HK3: variants seen among roughly 807,000 people sequenced by gnomAD.
HK3 encodes hexokinase-3.
Under a neutral mutation model 91.0 loss-of-function variants are expected in HK3, and 93 were observed. The ratio of observed to expected loss-of-function variants is 1.02; its 90% CI spans 0.86 to 1.21. The LOEUF (loss-of-function observed/expected upper bound fraction) is 1.21. HK3 is among the 50% of genes most tolerant of loss of function. HK3 has a pLI of 0.00. For missense variants in HK3, 1,235 were observed against 1,247.4 expected (o/e 0.99, Z 0.15); for synonymous variants, 519 against 516.9 (o/e 1.00, Z -0.06).
chr5:176,890,405 C>T (rs1758733467), intron 6 of HK3, among the ~76,000 whole-genome samples: 1 of 152,142 alleles, frequency 6.6e-6, no homozygotes, highest in African/African-American at 2.4e-5. Context: ...TTTTTTTGCC[C>T]CAGGTCCTGA....
rs766493144 is a variant in HK3, at chr5:176,889,393, G to C, written c.902C>G (p.Pro301Arg). 1.2e-5 allele frequency: 19 copies of C among 1,614,008 alleles called. No homozygotes were observed. In the Middle Eastern group the frequency reaches 9.9e-4, roughly 84 times the overall value. Residue 301 changes from proline to arginine, a missense_variant, in exon 8 of 19, where the codon CCT becomes CGT. Pro to Arg is a moderately radical substitution (Grantham distance 103). This residue lies in a region of HK3 where 717 missense variants were observed against 751.6 expected (regional missense o/e 0.95). Coordinates refer to ENST00000292432, the MANE Select transcript of HK3 (RefSeq NM_002115.3). ...DHTLDHESLN[P>R]GAQRFEKMIG... ...CCTGCCAGGTCACCTCTGAGCACCAGGATTCAGGGACTCATGGTCCAGGGT... is the reference window on the plus strand; with the variant it reads ...CCTGCCAGGTCACCTCTGAGCACCACGATTCAGGGACTCATGGTCCAGGGT...
intron 2 of HK3, among the ~76,000 whole-genome samples, chr5:176,894,614 T>G (rs1212217445): frequency 6.6e-6 from 1 of 152,000 alleles, no homozygotes; most frequent in Non-Finnish European, 1.5e-5. Context: ...GGGGTACAGG[T>G]TGGACAAGGG....
chr5:176,887,702 T>C lies in HK3; in HGVS notation c.1349A>G (p.Glu450Gly). The C allele has an allele frequency of 6.2e-7, 1 of 1,613,070 alleles. No individual in the cohort carries two copies. Among genetic ancestry groups the C allele is most frequent in the Non-Finnish European group, 8.5e-7 (1 of 1,179,286 alleles). The change falls in exon 11 of 19, where the codon GAA becomes GGA. Residue 450 changes from glutamate to glycine, a missense_variant. Glu to Gly is a moderately conservative substitution (Grantham distance 98, BLOSUM62 -2). Around this residue, in one of 3 missense-constraint regions of HK3, gnomAD observed 717 missense variants for 751.6 expected, o/e 0.95. Coordinates refer to ENST00000292432, the MANE Select transcript of HK3 (RefSeq NM_002115.3). The surrounding 1 kb of genome is among the most constrained non-coding windows in gnomAD (Gnocchi z 4.9). ...LQGTVMLLAP[E>G]CDVSLIPSVD... ...AGAGGGGATTAAGGAGACATCGCAT[T>C]CCGGGGCCAGGAGCATCACTGTCCC...
In HK3 at chr5:176,886,871, A is replaced by G; in HGVS notation, c.1857+131T>C. The G allele has an allele frequency of 6.7e-6, 7 of 1,049,808 alleles. No individual in the cohort carries two copies. The South Asian group carries it at 1.1e-4, about 16-fold the overall frequency. The allele number at this position is 1,049,808 out of a possible 1,614,324, so 65.0% of individuals were successfully genotyped here. On this transcript the variant is annotated intron_variant, in intron 13 of 18. Coordinates refer to ENST00000292432, the MANE Select transcript of HK3 (RefSeq NM_002115.3). Reference sequence around the variant, plus strand: ...CTGAGGCTGTGTGCAAGCCCAGCCCAGCAGTGCTGCCACCACCACCAACCC... The same window carrying G: ...CTGAGGCTGTGTGCAAGCCCAGCCCGGCAGTGCTGCCACCACCACCAACCC...
rs754042767 is a variant in HK3 at position 176,882,026 on chromosome 5, C to T, written c.2155G>A (p.Gly719Arg). 6 of 1,613,258 alleles carry T rather than the reference C, an allele frequency of 3.7e-6. No individual in the cohort carries two copies. The South Asian group carries it at 4.4e-5, about 12-fold the overall frequency. Residue 719 changes from glycine to arginine, a missense_variant, in exon 16 of 19, where the codon GGG (glycine) becomes AGG (arginine). By Grantham distance (125) the Gly-to-Arg change is moderately radical. Around this residue, in one of 3 missense-constraint regions of HK3, gnomAD observed 513 missense variants for 477.4 expected, o/e 1.07. Coordinates refer to ENST00000292432, the MANE Select transcript of HK3 (RefSeq NM_002115.3). ...MCINMEWGAF[G>R]DDGSLAMLST... ...AGCATGGCCAGAGAGCCATCGTCCC[C>T]AAAGGCGCCCCACTCCATGTTGATG...
Position 176,887,136 on chromosome 5 carries a change from A to C in HK3, c.1738-15T>G, listed in dbSNP as rs1272812746. Reference sequence around the variant, plus strand: ...TGGTCAAAGAGCTGTGGGGCAGGACAGGTCAGGCGTAGGCACTGCTCAGCC... The same window carrying C: ...TGGTCAAAGAGCTGTGGGGCAGGACCGGTCAGGCGTAGGCACTGCTCAGCC... On this transcript the variant is annotated splice_polypyrimidine_tract_variant and intron_variant, in intron 12 of 18. Transcript: ENST00000292432. This position sits in a 1 kb window ranked among gnomAD's most constrained non-coding sequence, Gnocchi z 4.9. 6.2e-7 allele frequency: 1 copy of C among 1,614,188 alleles called. No homozygotes were observed. The highest frequency in any genetic ancestry group is 1.7e-5 in the Admixed American group (1 of 60,036).
At chr5:176,896,015 C>T (rs1396287691) in intron 2 of HK3, 49 bp downstream of exon 2, 1 of 1,506,874 alleles carries the variant, frequency 6.6e-7, no homozygotes, top group East Asian at 2.3e-5. Context: ...TCACGCTGCT[C>T]TTGAAGGCCT....
Position 176,884,229 on chromosome 5 carries a change from T to C in HK3, c.1858-95A>G. ...CCTGCATCCATCACAAGCCTAGGCT[T>C]TCCACCCTCCCCAAGCACAATTCCT... On this transcript the variant is annotated intron_variant, in intron 13 of 18. Coordinates refer to ENST00000292432, the MANE Select transcript of HK3 (RefSeq NM_002115.3). This position sits in a 1 kb window ranked among gnomAD's most constrained non-coding sequence, Gnocchi z 4.1. 9.8e-7 allele frequency: 1 copy of C among 1,018,164 alleles called. No homozygotes were observed. The highest frequency in any genetic ancestry group is 1.3e-5 in the South Asian group (1 of 76,960). 63.1% of individuals were successfully genotyped at this position (1,018,164 alleles called of 1,614,324 possible).
Position 176,888,786 on chromosome 5 carries a change from GAC to G in HK3, c.991_992del (p.Val331ProfsTer23). On this transcript the variant is annotated frameshift_variant, in exon 9 of 19. Coordinates refer to ENST00000292432, the MANE Select transcript of HK3 (RefSeq NM_002115.3). LOFTEE classifies it high-confidence loss of function. ...CAGGGGAGGTGCAGCCACCAAAGAG[GAC>G]CCCACACCGGGCCAAGTGAGCCAGC... ...LVLAHLARCG[V>X]LFGGCTSPAL... 6.2e-7 allele frequency: 1 copy of G among 1,614,146 alleles called. No individual in the cohort carries two copies. The highest frequency in any genetic ancestry group is 8.5e-7 in the Non-Finnish European group (1 of 1,180,016).
At position 176,887,895 on chromosome 5, in the gene HK3, CA is replaced by C. The variant is rs1758645839; in HGVS notation, c.1305-150del. 2 of 707,406 alleles carry C rather than the reference CA, an allele frequency of 2.8e-6. No homozygotes were observed. 43.8% of individuals were successfully genotyped at this position (707,406 alleles called of 1,614,324 possible). A position where few individuals can be genotyped will look rare whatever the true frequency, so the allele number is the denominator to read the frequency against. On this transcript the variant is annotated intron_variant, in intron 10 of 18. Transcript: ENST00000292432. The surrounding 1 kb of genome is among the most constrained non-coding windows in gnomAD (Gnocchi z 4.9). ...GGCCTCCTGAAGCCCAAGGCCCCAT[CA>C]CTTTTTTTTTTTTATTTTTGTAGAT...
chr5:176,897,312 T>A (rs1191464769), intron 1 of HK3, among the ~76,000 whole-genome samples: 6 of 152,140 alleles, frequency 3.9e-5, no homozygotes, highest in Non-Finnish European at 7.3e-5. Flanking sequence ...GTGGTATTGC[T>A]GTTTCCATAG....
Position 176,888,701 on chromosome 5 carries a change from C to T in HK3, c.1070+8G>A, listed in dbSNP as rs376619205. On this transcript the variant is annotated splice_region_variant and intron_variant, in intron 9 of 18. Transcript: ENST00000292432. The stretch of plus-strand genomic sequence containing the variant: ...ATCCCCCACTAAACCACCATCTCCC[C>T]GACTCACTCCTCCATCTCAGCCACG... 40 of 1,614,076 alleles carry T rather than the reference C, an allele frequency of 2.5e-5. No homozygotes were observed. The highest frequency in any genetic ancestry group is 1.8e-4 in the Admixed American group (11 of 60,004).
chr5:176,881,344 A>G lies in HK3; in HGVS notation c.2585T>C (p.Val862Ala). The change falls in exon 18 of 19, where the codon GTG (valine) becomes GCG (alanine). Residue 862 changes from valine to alanine, a missense_variant. This residue lies in a region of HK3 where 513 missense variants were observed against 477.4 expected (regional missense o/e 1.07). Transcript: ENST00000292432. ...RENRGLEELA[V>A]SVGVDGTLYK... ...GAGCGTTCCATCCACCCCCACAGACACTGCCAGCTCTTCCAGGCCCCGGTT... is the reference window on the plus strand; with the variant it reads ...GAGCGTTCCATCCACCCCCACAGACGCTGCCAGCTCTTCCAGGCCCCGGTT... 3.1e-6 allele frequency: 5 copies of G among 1,613,894 alleles called. No homozygotes were observed. The highest frequency in any genetic ancestry group is 4.2e-6 in the Non-Finnish European group (5 of 1,179,992).
In HK3 at chr5:176,888,546, G is replaced by T; in HGVS notation, c.1090C>A (p.Arg364Ser). ...AAGTCCTGCAGGATAGCATGGACAC[G>T]GGCTGCCCCAGTAGAGGGGCTGGAG... ...EMEDPSTGAA[R>S]VHAILQDLGL... The change falls in exon 10 of 19, where the codon CGT becomes AGT. Residue 364 changes from arginine to serine, a missense_variant. By Grantham distance (110) the Arg-to-Ser change is moderately radical. Around this residue, in one of 3 missense-constraint regions of HK3, gnomAD observed 717 missense variants for 751.6 expected, o/e 0.95. Coordinates refer to ENST00000292432, the MANE Select transcript of HK3 (RefSeq NM_002115.3). 1 of 1,560,646 alleles carries T rather than the reference G, an allele frequency of 6.4e-7. No homozygotes were observed. Among genetic ancestry groups the T allele is most frequent in the Non-Finnish European group, 8.7e-7 (1 of 1,151,458 alleles).
rs1271139842 is a variant in HK3, at chr5:176,883,727, A to G, written c.2053+43T>C. ...CAGAGGAATCAACAGAAGGCAGCAA[A>G]TTGCCAAGCAGTAGGGGCATGAAAG... On this transcript the variant is annotated intron_variant, in intron 15 of 18. Coordinates refer to ENST00000292432, the MANE Select transcript of HK3 (RefSeq NM_002115.3). The G allele has an allele frequency of 3.3e-6, 5 of 1,496,272 alleles. No homozygotes were observed. The South Asian group carries it at 5.7e-5, about 17-fold the overall frequency. The allele number at this position is 1,496,272 out of a possible 1,614,324, so 92.7% of individuals were successfully genotyped here.
intron 2 of HK3, among the ~76,000 whole-genome samples, chr5:176,891,840 C>A (rs1449166814): frequency 7.2e-5 from 11 of 152,236 alleles, no homozygotes. Flanking sequence ...TTTGGCAAGA[C>A]CTTCTTCCTG....
At chr5:176,898,801 C>G (rs909113169) in intron 1 of HK3, among the ~76,000 whole-genome samples, 1 of 152,102 alleles carries the variant, frequency 6.6e-6, no homozygotes, top group Admixed American at 6.5e-5. Flanking sequence ...TGAAAAGTAC[C>G]CCAGGGACCT....
chr5:176,898,962 A>G (rs1758974225), intron 1 of HK3, among the ~76,000 whole-genome samples: 1 of 152,096 alleles, frequency 6.6e-6, no homozygotes, highest in African/African-American at 2.4e-5. Flanking sequence ...GCAAAACGCC[A>G]TCGCTAGAAA....
At chr5:176,882,564 C>G (rs749030443) in intron 15 of HK3, among the ~76,000 whole-genome samples, 7 of 152,156 alleles carry the variant, frequency 4.6e-5, no homozygotes, top group African/African-American at 1.2e-4. Context: ...ACGAGGAGCC[C>G]CACAGTCTGG....
Sources: gnomAD v4.1 joint callset for allele counts (sites outside exome capture counted in the v4.1 genomes callset) on GRCh38, gnomAD v4.1.1 for gene constraint, gnomAD v4.1.1 regional missense constraint, Gnocchi (gnomAD v3.1) non-coding constraint, MANE v1.5 for transcripts, NCBI Gene and HGNC (gene_info 2026-07-23, HGNC 2026-07-21) for gene names.